GPR149: variants seen among roughly 807,000 people sequenced by gnomAD.
GPR149 encodes the protein G protein-coupled receptor 149.
GPR149 carries 50 observed loss-of-function variants against 50.2 expected under a neutral mutation model. The observed-to-expected ratio is 1.00, with a 90% CI of 0.79 to 1.26. The LOEUF is 1.26. GPR149 is among the 50% of genes most tolerant of loss of function. GPR149 has a pLI of 0.00. For synonymous variants in GPR149, 405 were observed against 358.2 expected (o/e 1.13, Z -1.48); for missense variants, 983 against 895.4 (o/e 1.10, Z -1.25).
At position 154,429,837 on chromosome 3, in the gene GPR149, C is replaced by G. The variant is rs1242325347; in HGVS notation, c.-222G>C. 2.5e-6 allele frequency: 1 copy of G among 396,378 alleles called. No homozygotes were observed. Among genetic ancestry groups the G allele is most frequent in the Non-Finnish European group, 4.4e-6 (1 of 225,030 alleles). 24.6% of individuals were successfully genotyped at this position (396,378 alleles called of 1,614,324 possible). On this transcript the variant is annotated 5_prime_UTR_variant, in exon 1 of 4. Transcript: ENST00000389740. The stretch of plus-strand genomic sequence containing the variant: ...TTTCAAGCATAAAAAAAAAAAAACC[C>G]GAACAGATAACTTTTCAACATTCCA...
At chr3:154,397,722 T>C (rs1389958960) in intron 3 of GPR149, among the ~76,000 whole-genome samples, 1 of 152,164 alleles carries the variant, frequency 6.6e-6, no homozygotes, top group Admixed American at 6.5e-5. Flanking sequence ...GCTAGCACTG[T>C]GACATCATTG....
chr3:154,395,986 GT>G (rs1209821781), intron 3 of GPR149, among the ~76,000 whole-genome samples: 3 of 152,296 alleles, frequency 2.0e-5, no homozygotes, highest in African/African-American at 7.2e-5. Flanking sequence ...TGTGTGTCTA[GT>G]TTTGAACCTA....
chr3:154,340,682 G>C (rs1416563576), intron 3 of GPR149, among the ~76,000 whole-genome samples: 1 of 149,336 alleles, frequency 6.7e-6, no homozygotes, highest in Non-Finnish European at 1.5e-5. Flanking sequence ...GTGGAGGGGG[G>C]ACATGTGAAA....
At chr3:154,357,552 C>T (rs2108393172) in intron 3 of GPR149, among the ~76,000 whole-genome samples, 1 of 152,332 alleles carries the variant, frequency 6.6e-6, no homozygotes, top group African/African-American at 2.4e-5. Flanking sequence ...CTCACCATCA[C>T]TGGCCATCAG....
At chr3:154,358,228 C>T (rs186951879) in intron 3 of GPR149, among the ~76,000 whole-genome samples, 36 of 152,160 alleles carry the variant, frequency 2.4e-4, no homozygotes, top group Admixed American at 5.2e-4. Context: ...CAACATGTCA[C>T]ATGTATACAT....
chr3:154,407,354 G>A (rs1299582529), intron 3 of GPR149, among the ~76,000 whole-genome samples: 4 of 151,990 alleles, frequency 2.6e-5, no homozygotes, highest in Non-Finnish European at 5.9e-5. Context: ...ACTGTAACCT[G>A]TAAGCTAAAG....
chr3:154,411,949 A>C (rs945768350), intron 3 of GPR149, among the ~76,000 whole-genome samples: 16 of 152,152 alleles, frequency 1.1e-4, no homozygotes, highest in Admixed American at 1.0e-3. Context: ...AAAAATCCTC[A>C]ACAAAATACT....
At chr3:154,400,482 C>T (rs1320365720) in intron 3 of GPR149, among the ~76,000 whole-genome samples, 1 of 152,134 alleles carries the variant, frequency 6.6e-6, no homozygotes, top group African/African-American at 2.4e-5. Context: ...AAAGCCACTT[C>T]AATAAACATG....
intron 3 of GPR149, among the ~76,000 whole-genome samples, chr3:154,359,125 T>G (rs1194410236): frequency 1.3e-5 from 2 of 152,204 alleles, no homozygotes; most frequent in Non-Finnish European, 2.9e-5. Context: ...CAGTTTTTTT[T>G]TGTGCAAAAT....
chr3:154,381,176 A>G (rs987991292), intron 3 of GPR149, among the ~76,000 whole-genome samples: 1 of 152,196 alleles, frequency 6.6e-6, no homozygotes, highest in East Asian at 1.9e-4. Flanking sequence ...ATTTTTTTCC[A>G]GGTTAAAATA....
At chr3:154,339,973 T>A (rs1713752324) in intron 3 of GPR149, among the ~76,000 whole-genome samples, 1 of 151,888 alleles carries the variant, frequency 6.6e-6, no homozygotes, top group South Asian at 2.1e-4. Context: ...TGTATTTTTT[T>A]ATTAGAGACG....
intron 3 of GPR149, among the ~76,000 whole-genome samples, chr3:154,367,843 G>A (rs1714566691): frequency 6.6e-6 from 1 of 152,172 alleles, no homozygotes; most frequent in Non-Finnish European, 1.5e-5. Flanking sequence ...AAGGCATCTC[G>A]ATCCTCACAT....
rs547505259 is a variant in GPR149 at position 154,369,540 on chromosome 3, G to A, written c.1624-31269C>T. Among the ~76,000 whole-genome samples the A allele has an allele frequency of 9.9e-5, 15 of 152,134 alleles. No individual in the cohort carries two copies. In the East Asian group the frequency reaches 2.7e-3, roughly 27 times the overall value. Reference sequence around the variant, plus strand: ...CTCCCCAACTGACTCTCCTCCATCCGGTCCCACCGAAGTGTTAAAGGCACA... The same window carrying A: ...CTCCCCAACTGACTCTCCTCCATCCAGTCCCACCGAAGTGTTAAAGGCACA... On this transcript the variant is annotated intron_variant, in intron 3 of 3. Coordinates refer to ENST00000389740, the MANE Select transcript of GPR149 (RefSeq NM_001038705.3).
At chr3:154,398,001 T>TATCTATGTTAAC (rs1715333986) in intron 3 of GPR149, among the ~76,000 whole-genome samples, 2 of 152,168 alleles carry the variant, frequency 1.3e-5, no homozygotes, top group South Asian at 2.1e-4. Context: ...TACAAAGTAA[T>TATCTATGTTAAC]ATCTATGTTA....
chr3:154,379,846 C>A (rs537317041), intron 3 of GPR149, among the ~76,000 whole-genome samples: 1 of 151,840 alleles, frequency 6.6e-6, no homozygotes, highest in African/African-American at 2.4e-5. Context: ...GTCTTTATAG[C>A]GAGTTTTGAA....
At chr3:154,391,563 A>G (rs548499070) in intron 3 of GPR149, among the ~76,000 whole-genome samples, 111 of 151,756 alleles carry the variant, frequency 7.3e-4, no homozygotes, top group Non-Finnish European at 1.2e-3. Context: ...TAGTAAAAAA[A>G]CATGGCTATA....
chr3:154,343,990 A>G (rs867825013), intron 3 of GPR149, among the ~76,000 whole-genome samples: 1 of 151,796 alleles, frequency 6.6e-6, no homozygotes, highest in Non-Finnish European at 1.5e-5. Context: ...CGCCCCCCCA[A>G]AAAAAAAGAA....
At chr3:154,405,291 A>C (rs1711652633) in intron 3 of GPR149, among the ~76,000 whole-genome samples, 1 of 152,152 alleles carries the variant, frequency 6.6e-6, no homozygotes, top group Admixed American at 6.6e-5. Context: ...TACTGAAGAC[A>C]AAAAAGAGTG....
rs922807963 is a variant in GPR149 at position 154,429,166 on chromosome 3, C to T, written c.450G>A (p.Val150=). The T allele has an allele frequency of 6.2e-7, 1 of 1,613,876 alleles. No individual in the cohort carries two copies. The highest frequency in any genetic ancestry group is 1.1e-5 in the South Asian group (1 of 91,084). The stretch of plus-strand genomic sequence containing the variant: ...CCCACACGGTCAGCACCACGCCGAG[C>T]ACCTGGCCCGATCTTCTGGAGGCTG... ...SQTASRRSGQ[V]LGVVLTVWAA... Residue 150 remains valine, a synonymous_variant, in exon 1 of 4, where the codon GTG becomes GTA. Transcript: ENST00000389740.
Sources: gnomAD v4.1 joint callset for allele counts (sites outside exome capture counted in the v4.1 genomes callset) on GRCh38, gnomAD v4.1.1 for gene constraint, MANE v1.5 for transcripts, NCBI Gene and HGNC (gene_info 2026-07-23, HGNC 2026-07-21) for gene names.